Variants in GLE1 observed in about 807,000 individuals in gnomAD.
GLE1 encodes the protein mRNA export factor GLE1.
In GLE1, 78 loss-of-function variants were observed where a neutral mutation model predicts 97.3. The ratio of observed to expected loss-of-function variants is 0.80; its 90% CI spans 0.67 to 0.97. The LOEUF (loss-of-function observed/expected upper bound fraction) is 0.97. Among genes scored for constraint, GLE1 ranks in the 50% least tolerant of loss-of-function variants. The pLI is 0.00. For missense variants in GLE1, 753 were observed against 857.5 expected, an observed-to-expected ratio of 0.88 and a Z score of 1.52; for synonymous variants, 302 against 313.4, an observed-to-expected ratio of 0.96 and a Z score of 0.39.
intron 2 of GLE1, among the ~76,000 whole-genome samples, chr9:128,513,653 G>A (rs1363936945): frequency 6.6e-6 from 1 of 151,262 alleles, no homozygotes; most frequent in African/African-American, 2.4e-5. Context: ...TGGCTGCAGT[G>A]AGCCTAGATA....
intron 1 of GLE1, 94 bp downstream of exon 1, chr9:128,504,998 G>T (rs1053470816): frequency 2.5e-6 from 2 of 809,010 alleles, no homozygotes; most frequent in Non-Finnish European, 4.3e-6. Context: ...CCGGGAACCC[G>T]TGCAGTCTAA....
chr9:128,510,378 A>G (rs963743850), intron 2 of GLE1, among the ~76,000 whole-genome samples: 1 of 151,356 alleles, frequency 6.6e-6, no homozygotes, highest in African/African-American at 2.4e-5. Context: ...ACAGGCACCC[A>G]CTATCACGCC....
intron 1 of GLE1, among the ~76,000 whole-genome samples, chr9:128,508,508 T>C (rs2132403806): frequency 6.6e-6 from 1 of 152,366 alleles, no homozygotes; most frequent in Admixed American, 6.5e-5. Flanking sequence ...CCTGTGTTTC[T>C]CAGAACTTAC....
Position 128,533,846 on chromosome 9 carries a change from C to A in GLE1, c.1541C>A (p.Pro514His). Residue 514 changes from proline to histidine, a missense_variant, in exon 11 of 16, where the codon CCC (proline) becomes CAC (histidine). Transcript: ENST00000309971. ...GCATCCGGGATCTGGGAGCTCCACC[C>A]CAGAGTGGGGGACCTCATTCTTGCT... The part of the protein sequence containing the change: ...VVASGIWELH[P>H]RVGDLILAHL... 6.2e-7 allele frequency: 1 copy of A among 1,612,832 alleles called. No individual in the cohort carries two copies. The highest frequency in any genetic ancestry group is 8.5e-7 in the Non-Finnish European group (1 of 1,178,810).
chr9:128,507,669 C>A (rs1359346530), intron 1 of GLE1, among the ~76,000 whole-genome samples: 2 of 151,646 alleles, frequency 1.3e-5, no homozygotes, highest in Admixed American at 1.3e-4. Flanking sequence ...GGGTGGATCA[C>A]CTGAGGTCAG....
intron 9 of GLE1, among the ~76,000 whole-genome samples, chr9:128,528,306 C>CCT (rs1847369537): frequency 7.7e-6 from 1 of 130,608 alleles, no homozygotes; most frequent in African/African-American, 2.8e-5. Flanking sequence ...GCCCAGCCCC[C>CCT]TTTTTTTTTT....
chr9:128,537,475 A>AAAAC, intron 12 of GLE1, among the ~76,000 whole-genome samples: 1 of 149,986 alleles, frequency 6.7e-6, no homozygotes, highest in African/African-American at 2.4e-5. Context: ...AAAAAAAAAA[A>AAAAC]AAAGAATGTG....
intron 11 of GLE1, among the ~76,000 whole-genome samples, chr9:128,535,063 AT>A (rs911453186): frequency 1.1e-4 from 16 of 151,984 alleles, no homozygotes; most frequent in African/African-American, 3.6e-4. Flanking sequence ...ATATATTGTT[AT>A]TTTTTAGCCA....
At chr9:128,520,818 A>G (rs1293602781) in intron 3 of GLE1, among the ~76,000 whole-genome samples, 1 of 151,552 alleles carries the variant, frequency 6.6e-6, no homozygotes, top group Non-Finnish European at 1.5e-5. Flanking sequence ...CAGTGGTGCA[A>G]TCACCGCTCC....
intron 7 of GLE1, among the ~76,000 whole-genome samples, chr9:128,525,781 C>T (rs1050201471): frequency 4.6e-5 from 7 of 152,018 alleles, no homozygotes; most frequent in African/African-American, 1.7e-4. Context: ...AAAAAATTAG[C>T]TGGGCATGGT....
rs1256158650 is a variant in GLE1 at position 128,516,377 on chromosome 9, TG to T, written c.432+740del. On this transcript the variant is annotated intron_variant, in intron 3 of 15. Coordinates refer to ENST00000309971, the MANE Select transcript of GLE1 (RefSeq NM_001003722.2). ...CTCTGTTGCCCAGGCTGTAGTACAGTGGCACCATCTCGGCTCACCGCAAGCT... is the reference window on the plus strand; with the variant it reads ...CTCTGTTGCCCAGGCTGTAGTACAGTGCACCATCTCGGCTCACCGCAAGCT... Among the ~76,000 whole-genome samples, 23 of 152,302 alleles carry T rather than the reference TG, an allele frequency of 1.5e-4. No homozygotes were observed. The South Asian group carries it at 4.4e-3, about 29-fold the overall frequency.
chr9:128,536,778 T>C (rs965397931), intron 12 of GLE1: 26 of 367,232 alleles, frequency 7.1e-5, no homozygotes, highest in South Asian at 5.3e-4. Flanking sequence ...AGCAAGAAAT[T>C]GTCATCTTAG....
At chr9:128,520,434 A>ATATG (rs1276602227) in intron 3 of GLE1, among the ~76,000 whole-genome samples, 3 of 148,120 alleles carry the variant, frequency 2.0e-5, no homozygotes, top group Non-Finnish European at 3.0e-5. Flanking sequence ...ATATGTATAT[A>ATATG]TATGTATATA....
intron 12 of GLE1, among the ~76,000 whole-genome samples, chr9:128,537,597 A>T (rs1847755962): frequency 6.6e-6 from 1 of 151,870 alleles, no homozygotes; most frequent in African/African-American, 2.4e-5. Context: ...TGACTCCAGG[A>T]GTTTGAGACC....
chr9:128,533,014 A>G (rs940530023), intron 9 of GLE1, among the ~76,000 whole-genome samples: 2 of 152,286 alleles, frequency 1.3e-5, no homozygotes, highest in East Asian at 3.9e-4. Context: ...ACAAAATGTA[A>G]CACCTCTTTC....
At position 128,504,815 on chromosome 9, in the gene GLE1, G is replaced by A; in HGVS notation, c.10G>A (p.Glu4Lys). 6.2e-7 allele frequency: 1 copy of A among 1,609,528 alleles called. No individual in the cohort carries two copies. Among genetic ancestry groups the A allele is most frequent in the African/African-American group, 1.3e-5 (1 of 74,966 alleles). ...TGCCCCTTAGCCAACCATGCCGTCT[G>A]AGGGTCGCTGCTGGGAGACCTTGAA... is the stretch of plus-strand genomic sequence containing the variant. MPSEGRCWETLKAL... is the reference protein window; with the variant it reads MPSKGRCWETLKAL... The change falls in exon 1 of 16, where the codon GAG becomes AAG. Residue 4 changes from glutamate (E) to lysine (K), a missense_variant. By Grantham distance (56) the Glu-to-Lys change is moderately conservative. Coordinates refer to ENST00000309971, the MANE Select transcript of GLE1 (RefSeq NM_001003722.2).
chr9:128,506,517 G>A (rs1311709259), intron 1 of GLE1, among the ~76,000 whole-genome samples: 1 of 152,106 alleles, frequency 6.6e-6, no homozygotes, highest in East Asian at 1.9e-4. Flanking sequence ...ACAAAAAGAT[G>A]TCCCAGGTGC....
At chr9:128,516,038 C>T (rs1846977122) in intron 3 of GLE1, among the ~76,000 whole-genome samples, 1 of 150,164 alleles carries the variant, frequency 6.7e-6, no homozygotes, top group African/African-American at 2.5e-5. Context: ...CTCACTGCAA[C>T]CTCCACCTCC....
intron 9 of GLE1, among the ~76,000 whole-genome samples, chr9:128,530,931 G>A (rs1248540025): frequency 6.6e-6 from 1 of 151,398 alleles, no homozygotes; most frequent in Admixed American, 6.6e-5. Flanking sequence ...AAGGTGGGCC[G>A]GGCACAGTGG....
Sources: allele counts gnomAD v4.1 joint callset (sites outside exome capture counted in the v4.1 genomes callset), GRCh38; gene constraint gnomAD v4.1.1; transcripts MANE v1.5; gene names NCBI Gene and HGNC (gene_info 2026-07-23, HGNC 2026-07-21).